MINDY2: variants seen among roughly 807,000 people sequenced by gnomAD.
MINDY2 encodes MINDY lysine 48 deubiquitinase 2.
A neutral mutation model predicts 68.2 loss-of-function variants in MINDY2; 52 were observed. The observed-to-expected ratio is 0.76, with a 90% CI of 0.61 to 0.96. The LOEUF is 0.96. MINDY2 is among the 40% of genes least tolerant of loss of function. MINDY2 has a pLI of 0.00. For synonymous variants in MINDY2, 372 were observed against 303.0 expected (o/e 1.23, Z -2.36); for missense variants, 881 against 773.4 (o/e 1.14, Z -1.65).
In MINDY2 at chr15:58,857,468, TG is replaced by T. The variant is rs1168932974; in HGVS notation, c.*2859del. ...AGAATCGCTTGAACCCAGGAGGCAG[TG>T]ATTGCAGTGAGCTGAGATAGCACCA... On this transcript the variant is annotated 3_prime_UTR_variant, in exon 9 of 9. Coordinates refer to ENST00000559228, the MANE Select transcript of MINDY2 (RefSeq NM_001040450.3). The T allele has an allele frequency of 7.0e-6, 1 of 143,666 alleles. No individual in the cohort carries two copies. The highest frequency in any genetic ancestry group is 1.5e-5 in the Non-Finnish European group (1 of 67,276). The allele number at this position is 143,666 out of a possible 1,614,324, so 8.9% of individuals were successfully genotyped here. A position where few individuals can be genotyped will look rare whatever the true frequency, so the allele number is the denominator to read the frequency against.
intron 8 of MINDY2, among the ~76,000 whole-genome samples, chr15:58,854,134 C>A (rs1168577664): frequency 6.6e-6 from 1 of 151,562 alleles, no homozygotes; most frequent in African/African-American, 2.4e-5. Context: ...ATCCTAGCTA[C>A]TTGGGAGGCT....
chr15:58,836,726 C>T (rs1427300124), intron 6 of MINDY2, among the ~76,000 whole-genome samples: 2 of 152,082 alleles, frequency 1.3e-5, no homozygotes, highest in African/African-American at 4.8e-5. Context: ...TCAAGCGATC[C>T]TCATGGCTCA....
chr15:58,806,448 C>G (rs1320290966), intron 3 of MINDY2, among the ~76,000 whole-genome samples: 1 of 150,704 alleles, frequency 6.6e-6, no homozygotes. Context: ...GCCTCAAACT[C>G]CTGGGCTCAA....
intron 2 of MINDY2, among the ~76,000 whole-genome samples, chr15:58,790,540 T>C (rs1390320601): frequency 1.3e-5 from 2 of 152,082 alleles, no homozygotes; most frequent in Non-Finnish European, 2.9e-5. Flanking sequence ...GATCTAACTT[T>C]GGATTTAATA....
chr15:58,771,907 C>T lies in MINDY2; in HGVS notation c.512C>T (p.Pro171Leu), dbSNP rs768050449. ...CSDPSPPGES[P>L]SLDSLESFSN... The stretch of plus-strand genomic sequence containing the variant: ...GACCCGAGCCCTCCTGGGGAATCTC[C>T]GAGCCTGGACTCTCTGGAGTCGTTC... Residue 171 changes from proline to leucine, a missense_variant, in exon 1 of 9, where the codon CCG becomes CTG. Coordinates refer to ENST00000559228, the MANE Select transcript of MINDY2 (RefSeq NM_001040450.3). 4 of 1,555,498 alleles carry T rather than the reference C, an allele frequency of 2.6e-6. No individual in the cohort carries two copies. In the African/African-American group the frequency reaches 5.5e-5, roughly 21 times the overall value.
Position 58,771,556 on chromosome 15 carries a change from T to G in MINDY2, c.161T>G (p.Leu54Arg), listed in dbSNP as rs1900391983. 1.2e-6 allele frequency: 2 copies of G among 1,611,052 alleles called. No individual in the cohort carries two copies. Among genetic ancestry groups the G allele is most frequent in the African/African-American group, 1.3e-5 (1 of 74,994 alleles). The part of the protein sequence containing the change: ...WAAETSGGNG[L>R]GAAAARRSLP... ...GCGGAGACCAGCGGCGGGAATGGGC[T>G]GGGGGCGGCGGCCGCCAGGAGGAGC... The change falls in exon 1 of 9, where the codon CTG (leucine) becomes CGG (arginine). Residue 54 changes from leucine to arginine, a missense_variant. Physicochemically the swap from Leu to Arg is moderately radical, Grantham distance 102. Transcript: ENST00000559228.
Position 58,802,330 on chromosome 15 carries a change from G to A in MINDY2, c.916G>A (p.Ala306Thr), listed in dbSNP as rs765951798. 6.3e-7 allele frequency: 1 copy of A among 1,579,468 alleles called. No homozygotes were observed. Among genetic ancestry groups the A allele is most frequent in the Admixed American group, 1.8e-5 (1 of 54,138 alleles). ...TTTTACAGGAGATTACATGCTTGAT[G>A]CAAAGCCAAAAGAAATTTCAGAAAT... is the stretch of plus-strand genomic sequence containing the variant. ...MEYLGDYMLD[A>T]KPKEISEIQR... Residue 306 changes from alanine to threonine, a missense_variant, in exon 3 of 9, where the codon GCA (alanine) becomes ACA (threonine). Transcript: ENST00000559228.
intron 1 of MINDY2, among the ~76,000 whole-genome samples, chr15:58,777,945 T>TA (rs1434190779): frequency 6.6e-6 from 1 of 152,184 alleles, no homozygotes; most frequent in African/African-American, 2.4e-5. Context: ...ATTTGATTTT[T>TA]AATAGTTTTT....
At chr15:58,796,866 A>G (rs1902318587) in intron 2 of MINDY2, among the ~76,000 whole-genome samples, 2 of 152,118 alleles carry the variant, frequency 1.3e-5, no homozygotes, top group African/African-American at 2.4e-5. Context: ...AGTTACATGT[A>G]TTTCTGACCC....
intron 1 of MINDY2, among the ~76,000 whole-genome samples, chr15:58,780,307 G>A (rs770852844): frequency 6.6e-6 from 1 of 152,082 alleles, no homozygotes; most frequent in Non-Finnish European, 1.5e-5. Context: ...GGGAGGCTGA[G>A]GCAGGAGAAT....
In MINDY2 at chr15:58,848,259, G is replaced by A. The variant is rs76514889; in HGVS notation, c.1542+789G>A. ...ACTCATAACAATTTAAGTGCACAAA[G>A]ACTGTTCAGTTAGCCAATATTCACT... On this transcript the variant is annotated intron_variant, in intron 7 of 8. Coordinates refer to ENST00000559228, the MANE Select transcript of MINDY2 (RefSeq NM_001040450.3). Among the ~76,000 whole-genome samples, 671 of 152,234 alleles carry A rather than the reference G, an allele frequency of 4.4e-3. 7 individuals carry two copies. Among genetic ancestry groups the A allele is most frequent in the African/African-American group, 0.015 (641 of 41,526 alleles).
chr15:58,854,854 C>G lies in MINDY2; in HGVS notation c.*244C>G, dbSNP rs975163101. 1 of 301,032 alleles carries G rather than the reference C, an allele frequency of 3.3e-6. No homozygotes were observed. The highest frequency in any genetic ancestry group is 6.7e-5 in the East Asian group (1 of 15,034). 18.6% of individuals were successfully genotyped at this position (301,032 alleles called of 1,614,324 possible). ...TGTGTGTTGACATTCATGAAAAATA[C>G]TGCACTTGTAGCCAGATTAGCAAAT... On this transcript the variant is annotated 3_prime_UTR_variant, in exon 9 of 9. Transcript: ENST00000559228.
intron 6 of MINDY2, among the ~76,000 whole-genome samples, chr15:58,836,765 T>C (rs2032016066): frequency 6.6e-6 from 1 of 152,052 alleles, no homozygotes; most frequent in South Asian, 2.1e-4. Context: ...ACTACAGGTG[T>C]ACACGATCAC....
At chr15:58,844,285 C>T (rs559445963) in intron 6 of MINDY2, among the ~76,000 whole-genome samples, 22 of 152,120 alleles carry the variant, frequency 1.4e-4, no homozygotes, top group African/African-American at 4.3e-4. Flanking sequence ...CGGTGGCTCA[C>T]GCCTGTAATC....
At chr15:58,814,269 G>C (rs1218045771) in intron 4 of MINDY2, among the ~76,000 whole-genome samples, 2 of 152,072 alleles carry the variant, frequency 1.3e-5, no homozygotes, top group African/African-American at 4.8e-5. Context: ...GGCTAATGAT[G>C]CTGAACATCT....
intron 4 of MINDY2, among the ~76,000 whole-genome samples, chr15:58,813,931 C>CTTTT (rs60131191): frequency 3.9e-5 from 5 of 126,978 alleles, no homozygotes; most frequent in Admixed American, 8.1e-5. Flanking sequence ...ACTTGCATTT[C>CTTTT]TTTTTTTTTT....
chr15:58,838,582 ATT>A (rs780140528), intron 6 of MINDY2, among the ~76,000 whole-genome samples: 15 of 93,084 alleles, frequency 1.6e-4, no homozygotes, highest in Admixed American at 2.9e-4. Context: ...CTTTTTAGGG[ATT>A]TTTTTTTTTT....
In MINDY2 at chr15:58,824,738, C is replaced by T. The variant is rs908502409; in HGVS notation, c.1225+2919C>T. 4.7e-5 allele frequency among the ~76,000 whole-genome samples: 7 copies of T among 149,076 alleles called. No homozygotes were observed. The South Asian group carries it at 1.1e-3, about 22-fold the overall frequency. The stretch of plus-strand genomic sequence containing the variant: ...AGGCTGGAGTGTAGTGGCACGATCT[C>T]GGCTCACTGTAACCTCTGCCCCATG... On this transcript the variant is annotated intron_variant, in intron 5 of 8. Transcript: ENST00000559228.
intron 3 of MINDY2, among the ~76,000 whole-genome samples, chr15:58,804,816 AAG>A (rs1420129770): frequency 1.3e-5 from 2 of 151,762 alleles, no homozygotes; most frequent in Non-Finnish European, 2.9e-5. Flanking sequence ...AAAAAAAAAA[AAG>A]AAAAGAAAAG....
Sources: allele counts gnomAD v4.1 joint callset (sites outside exome capture counted in the v4.1 genomes callset), GRCh38; gene constraint gnomAD v4.1.1; transcripts MANE v1.5; gene names NCBI Gene and HGNC (gene_info 2026-07-23, HGNC 2026-07-21).